Variants in FAM81A observed in about 807,000 individuals in gnomAD.
FAM81A encodes the protein family with sequence similarity 81 member A, also known as protein FAM81A.
A neutral mutation model predicts 46.7 loss-of-function variants in FAM81A; 19 were observed. That is an observed-to-expected ratio of 0.41 (90% CI 0.28 to 0.60). FAM81A has a LOEUF of 0.60. Ranked by LOEUF, FAM81A falls within the 20% of genes least tolerant of loss-of-function variation. The pLI, the probability that FAM81A is intolerant of heterozygous loss-of-function variation, is 0.34. For synonymous variants in FAM81A, 183 were observed against 152.9 expected, an observed-to-expected ratio of 1.20 and a Z score of -1.45; for missense variants, 377 against 453.5, an observed-to-expected ratio of 0.83 and a Z score of 1.53.
At chr15:59,431,842 A>G (rs2081221793) in intron 2 of FAM81A, among the ~76,000 whole-genome samples, 1 of 152,220 alleles carries the variant, frequency 6.6e-6, no homozygotes, top group Admixed American at 6.5e-5. Context: ...TCCTGAGTCT[A>G]CAGTGATGAA....
rs193270003 is a variant in FAM81A at position 59,467,454 on chromosome 15, T to G, written c.294+7248T>G. On this transcript the variant is annotated intron_variant, in intron 3 of 8. Coordinates refer to ENST00000288228, the MANE Select transcript of FAM81A (RefSeq NM_152450.3). ...TTGTAAGTTGGATTCCTAGGTATTT[T>G]ATTCTCTTTGTAGCAATTGTGAATG... Among the ~76,000 whole-genome samples, 3 of 152,330 alleles carry G rather than the reference T, an allele frequency of 2.0e-5. No homozygotes were observed. In the East Asian group the frequency reaches 5.8e-4, roughly 29 times the overall value.
intron 7 of FAM81A, among the ~76,000 whole-genome samples, chr15:59,514,889 C>G (rs2082250665): frequency 6.6e-6 from 1 of 152,098 alleles, no homozygotes; most frequent in South Asian, 2.1e-4. Flanking sequence ...CCCCATTTTC[C>G]TTCTCCTTCA....
At chr15:59,434,935 A>G (rs1245638596), upstream of FAM81A, among the ~76,000 whole-genome samples, 1 of 152,204 alleles carries the variant, frequency 6.6e-6, no homozygotes, top group Non-Finnish European at 1.5e-5. Context: ...TCTCATCTTC[A>G]TGACTAATGG....
intron 1 of FAM81A, among the ~76,000 whole-genome samples, chr15:59,439,258 A>G (rs893086162): frequency 4.6e-5 from 7 of 152,240 alleles, no homozygotes; most frequent in Non-Finnish European, 1.5e-5. Context: ...TCTCAGAAGC[A>G]AGGGCAAACA....
At chr15:59,420,041 T>C (rs896805905) in intron 2 of FAM81A, among the ~76,000 whole-genome samples, 2 of 152,230 alleles carry the variant, frequency 1.3e-5, no homozygotes, top group East Asian at 1.9e-4. Context: ...GCCTCATGCA[T>C]ACTGGATTGA....
At chr15:59,413,669 C>T (rs544091857) in intron 2 of FAM81A, among the ~76,000 whole-genome samples, 1 of 152,172 alleles carries the variant, frequency 6.6e-6, no homozygotes, top group African/African-American at 2.4e-5. Context: ...GCCTGTAATC[C>T]CAGCACTTTG....
At chr15:59,438,133 G>A (rs1301067633), upstream of FAM81A, 1 of 146,236 alleles carries the variant, frequency 6.8e-6, no homozygotes, top group African/African-American at 2.5e-5. Context: ...CCGCGCGCCG[G>A]GCCAGGCGGC....
chr15:59,464,125 GTGT>G (rs2081585271), intron 3 of FAM81A, among the ~76,000 whole-genome samples: 1 of 152,086 alleles, frequency 6.6e-6, no homozygotes, highest in African/African-American at 2.4e-5. Flanking sequence ...TGTTCTATCC[GTGT>G]TGTTGCAAAA....
At chr15:59,496,576 G>T (rs1177780213) in intron 4 of FAM81A, among the ~76,000 whole-genome samples, 2 of 152,028 alleles carry the variant, frequency 1.3e-5, no homozygotes, top group Non-Finnish European at 2.9e-5. Flanking sequence ...CTGCACTCCA[G>T]CCTGGGCAAC....
intron 8 of FAM81A, among the ~76,000 whole-genome samples, chr15:59,518,434 C>T (rs1195658973): frequency 2.0e-5 from 3 of 152,086 alleles, no homozygotes; most frequent in Non-Finnish European, 4.4e-5. Flanking sequence ...CCCCCTGCCT[C>T]GACCTCCTGA....
intron 6 of FAM81A, among the ~76,000 whole-genome samples, chr15:59,512,471 CAAAA>C (rs766904849): frequency 0.021 from 283 of 13,586 alleles, no homozygotes; most frequent in Non-Finnish European, 0.044. Context: ...AACTCCATCT[CAAAA>C]AAAAAAAAAA....
intron 3 of FAM81A, among the ~76,000 whole-genome samples, chr15:59,489,068 A>T: frequency 6.6e-6 from 1 of 151,974 alleles, no homozygotes; most frequent in East Asian, 1.9e-4. Flanking sequence ...GATCGAGACC[A>T]TACTGGCTAA....
At chr15:59,425,605 G>A (rs1406618308) in intron 2 of FAM81A, among the ~76,000 whole-genome samples, 1 of 152,012 alleles carries the variant, frequency 6.6e-6, no homozygotes, top group Non-Finnish European at 1.5e-5. Context: ...AATAGGCTTT[G>A]CCTTGGCTAT....
chr15:59,465,774 C>T (rs2141661228), intron 3 of FAM81A, among the ~76,000 whole-genome samples: 2 of 152,164 alleles, frequency 1.3e-5, no homozygotes, highest in South Asian at 4.2e-4. Context: ...TATACATGTG[C>T]CATGTTGGTT....
chr15:59,454,666 C>T (rs2081460936), intron 1 of FAM81A, among the ~76,000 whole-genome samples: 1 of 152,106 alleles, frequency 6.6e-6, no homozygotes, highest in Non-Finnish European at 1.5e-5. Flanking sequence ...TACTCTGTCA[C>T]CCAGGCTAGA....
intron 4 of FAM81A, among the ~76,000 whole-genome samples, chr15:59,506,672 A>C (rs1266989819): frequency 2.6e-5 from 4 of 152,212 alleles, no homozygotes; most frequent in African/African-American, 9.6e-5. Flanking sequence ...ACATACTTTG[A>C]GTACCATTGG....
intron 1 of FAM81A, among the ~76,000 whole-genome samples, chr15:59,445,918 G>T (rs1178571717): frequency 1.3e-5 from 2 of 152,186 alleles, no homozygotes; most frequent in Admixed American, 1.3e-4. Context: ...TAAAAGTAAT[G>T]ACTTCTTTTT....
chr15:59,467,023 G>A (rs1235794878), intron 3 of FAM81A, among the ~76,000 whole-genome samples: 4 of 152,158 alleles, frequency 2.6e-5, no homozygotes, highest in Non-Finnish European at 5.9e-5. Flanking sequence ...TTGTAGATGT[G>A]TGGTATTATT....
chr15:59,482,389 C>A (rs1224298504), intron 3 of FAM81A, among the ~76,000 whole-genome samples: 2 of 152,188 alleles, frequency 1.3e-5, no homozygotes, highest in Non-Finnish European at 2.9e-5. Context: ...CTGCCTCAGC[C>A]TCCTGAGTAG....
Sources: allele counts gnomAD v4.1 joint callset (sites outside exome capture counted in the v4.1 genomes callset), GRCh38; gene constraint gnomAD v4.1.1; transcripts MANE v1.5; gene names NCBI Gene and HGNC (gene_info 2026-07-23, HGNC 2026-07-21).